The following SLCO1B1 variants were observed in gnomAD, a reference collection of about 807,000 sequenced individuals.
The protein encoded by SLCO1B1 is solute carrier organic anion transporter family member 1B1.
SLCO1B1 carries 81 observed loss-of-function variants against 70.1 expected under a neutral mutation model. The observed-to-expected ratio is 1.16, with a 90% confidence interval of 0.97 to 1.39. The LOEUF (loss-of-function observed/expected upper bound fraction) is 1.39, where lower values mean the gene tolerates loss of function less well. Among genes scored for constraint, SLCO1B1 ranks in the 40% most tolerant of loss-of-function variants. The pLI is 0.00. For synonymous variants in SLCO1B1, 283 were observed against 271.5 expected (o/e 1.04, Z -0.42); for missense variants, 895 against 799.6 (o/e 1.12, Z -1.44).
intron 1 of SLCO1B1, among the ~76,000 whole-genome samples, chr12:21,133,210 G>A (rs1267889094): frequency 2.0e-5 from 3 of 152,092 alleles, no homozygotes; most frequent in Non-Finnish European, 4.4e-5. Context: ...TTTGGTACCA[G>A]TACCATGCTG....
At chr12:21,163,955 T>C (rs1460170791) in intron 2 of SLCO1B1, among the ~76,000 whole-genome samples, 1 of 140,536 alleles carries the variant, frequency 7.1e-6, no homozygotes, top group Admixed American at 7.1e-5. Context: ...AAAAAAAAAA[T>C]GTAACAGCCA....
chr12:21,198,457 A>T (rs1451726194), intron 8 of SLCO1B1, among the ~76,000 whole-genome samples: 3 of 152,148 alleles, frequency 2.0e-5, no homozygotes, highest in African/African-American at 7.2e-5. Flanking sequence ...TTTAAAAAAT[A>T]GTAGATTGTC....
rs1174447839 is a variant in SLCO1B1, at chr12:21,217,271, T to G, written c.1650T>G (p.Leu550=). 6.2e-7 allele frequency: 1 copy of G among 1,613,794 alleles called. No individual in the cohort carries two copies. Among genetic ancestry groups the G allele is most frequent in the Non-Finnish European group, 8.5e-7 (1 of 1,179,758 alleles). The change falls in exon 12 of 15, where the codon CTT becomes CTG. Residue 550 remains leucine, a synonymous_variant. Transcript: ENST00000256958. ...IQVLNLFFSA[L]GGTSHVMLIV... is the part of the protein sequence containing the mutation. The stretch of plus-strand genomic sequence containing the variant: ...TCTTGAATTTATTTTTCTCTGCACT[T>G]GGAGGCACCTCACATGTCATGCTGA...
intron 7 of SLCO1B1, among the ~76,000 whole-genome samples, chr12:21,194,402 T>A (rs1230973187): frequency 2.0e-5 from 3 of 151,770 alleles, no homozygotes; most frequent in East Asian, 3.8e-4. Context: ...ATTATTTTAA[T>A]TATTTATTAT....
At chr12:21,227,008 A>G (rs1207376393) in intron 14 of SLCO1B1, among the ~76,000 whole-genome samples, 1 of 152,180 alleles carries the variant, frequency 6.6e-6, no homozygotes, top group African/African-American at 2.4e-5. Context: ...CAAATTGTCA[A>G]CCATCAAAAA....
rs988811397 is a variant in SLCO1B1 at position 21,239,560 on chromosome 12, C to A, written c.*371C>A. On this transcript the variant is annotated 3_prime_UTR_variant, in exon 15 of 15. Transcript: ENST00000256958. ...AAAAAGGAGGAGCTAGATTCATATC[C>A]TAAGTAAAGAGAAATGCCTAGTGTC... 2.0e-5 allele frequency among the ~76,000 whole-genome samples: 3 copies of A among 152,074 alleles called. No homozygotes were observed. Among genetic ancestry groups the A allele is most frequent in the African/African-American group, 7.2e-5 (3 of 41,416 alleles).
chr12:21,215,302 T>C (rs1206293236), intron 11 of SLCO1B1, among the ~76,000 whole-genome samples: 2 of 152,182 alleles, frequency 1.3e-5, no homozygotes, highest in African/African-American at 2.4e-5. Flanking sequence ...ATATATGAAG[T>C]TGGCTGTGGT....
At chr12:21,171,208 T>A (rs1940752667) in intron 2 of SLCO1B1, among the ~76,000 whole-genome samples, 1 of 152,096 alleles carries the variant, frequency 6.6e-6, no homozygotes. Context: ...GAAATACGAC[T>A]ATGGGGAAGA....
At chr12:21,208,049 G>A (rs1231773969) in intron 11 of SLCO1B1, among the ~76,000 whole-genome samples, 1 of 151,958 alleles carries the variant, frequency 6.6e-6, no homozygotes, top group Non-Finnish European at 1.5e-5. Flanking sequence ...TTAGTCCTGT[G>A]TTAGATGCAT....
Position 21,141,580 on chromosome 12 carries a change from C to G in SLCO1B1, c.6C>G (p.Asp2Glu), listed in dbSNP as rs761348443. The G allele has an allele frequency of 6.2e-7, 1 of 1,604,526 alleles. No homozygotes were observed. Among genetic ancestry groups the G allele is most frequent in the Non-Finnish European group, 8.5e-7 (1 of 1,172,768 alleles). Residue 2 changes from aspartate (D) to glutamate (E), a missense_variant, in exon 2 of 15, where the codon GAC (aspartate) becomes GAG (glutamate). By Grantham distance (45) the Asp-to-Glu change is conservative. Transcript: ENST00000256958. Reference sequence around the variant, plus strand: ...ATGATATCTATATTTCAATCATGGACCAAAATCAACATTTGAATAAAACAG... The same window carrying G: ...ATGATATCTATATTTCAATCATGGAGCAAAATCAACATTTGAATAAAACAG... MDQNQHLNKTAE... is the reference protein window; with the variant it reads MEQNQHLNKTAE...
At chr12:21,219,446 A>G (rs928150172) in intron 12 of SLCO1B1, among the ~76,000 whole-genome samples, 3 of 152,242 alleles carry the variant, frequency 2.0e-5, no homozygotes, top group Non-Finnish European at 4.4e-5. Context: ...AAGTGCAGCA[A>G]GAGAGCTAGC....
chr12:21,207,098 C>T (rs1020862091), intron 11 of SLCO1B1, among the ~76,000 whole-genome samples: 1 of 151,858 alleles, frequency 6.6e-6, no homozygotes, highest in Non-Finnish European at 1.5e-5. Context: ...GTTTCCTTTT[C>T]CTTTGCTGTT....
chr12:21,229,006 A>C (rs1472939490), intron 14 of SLCO1B1, among the ~76,000 whole-genome samples: 1 of 152,132 alleles, frequency 6.6e-6, no homozygotes, highest in Non-Finnish European at 1.5e-5. Flanking sequence ...GAATTTAAAA[A>C]AAAAAAAAGA....
chr12:21,132,205 TG>T (rs1340515823), intron 1 of SLCO1B1, among the ~76,000 whole-genome samples: 3 of 152,252 alleles, frequency 2.0e-5, no homozygotes, highest in Non-Finnish European at 4.4e-5. Flanking sequence ...ATGGTGTATG[TG>T]TGCCACATTT....
At chr12:21,153,857 C>T (rs1940505103) in intron 2 of SLCO1B1, among the ~76,000 whole-genome samples, 1 of 151,892 alleles carries the variant, frequency 6.6e-6, no homozygotes, top group Admixed American at 6.6e-5. Flanking sequence ...ATTATTTATA[C>T]ACCTATAAAA....
chr12:21,134,456 C>G (rs149672451), intron 1 of SLCO1B1, among the ~76,000 whole-genome samples: 7,766 of 152,194 alleles, frequency 0.051, 279 homozygotes, highest in East Asian at 0.13. Flanking sequence ...GTGAATCCAT[C>G]TGGTCCTGGA....
intron 14 of SLCO1B1, among the ~76,000 whole-genome samples, chr12:21,232,085 G>A (rs1240345698): frequency 6.6e-6 from 1 of 152,126 alleles, no homozygotes; most frequent in Non-Finnish European, 1.5e-5. Context: ...TTCAAGAAGG[G>A]AAGCCAGAAG....
chr12:21,133,475 T>C (rs1357323651), intron 1 of SLCO1B1, among the ~76,000 whole-genome samples: 1 of 152,180 alleles, frequency 6.6e-6, no homozygotes, highest in Non-Finnish European at 1.5e-5. Context: ...CATGGAATGT[T>C]CTTCTATTTG....
intron 1 of SLCO1B1, among the ~76,000 whole-genome samples, chr12:21,135,037 T>C (rs1247359173): frequency 6.6e-6 from 1 of 152,208 alleles, no homozygotes; most frequent in East Asian, 1.9e-4. Flanking sequence ...TGTTGTGTGT[T>C]TGTTCTCATT....
Sources: allele counts gnomAD v4.1 joint callset (sites outside exome capture counted in the v4.1 genomes callset), GRCh38; gene constraint gnomAD v4.1.1; transcripts MANE v1.5; gene names NCBI Gene and HGNC (gene_info 2026-07-23, HGNC 2026-07-21).